The following RNF6 variants were observed in gnomAD, a reference collection of about 807,000 sequenced individuals.
The protein encoded by RNF6 is E3 ubiquitin-protein ligase RNF6.
A neutral mutation model predicts 50.1 loss-of-function variants in RNF6; 21 were observed. The ratio of observed to expected loss-of-function variants is 0.42; its 90% CI spans 0.30 to 0.60. The LOEUF is 0.60. Ranked by LOEUF, RNF6 falls within the 20% of genes least tolerant of loss-of-function variation. The pLI is 0.20. For missense variants in RNF6, 698 were observed against 838.2 expected (o/e 0.83, Z 2.07); for synonymous variants, 255 against 291.8 (o/e 0.87, Z 1.29).
intron 5 of RNF6, among the ~76,000 whole-genome samples, chr13:26,183,883 G>C (rs1873357109): frequency 1.2e-5 from 1 of 81,082 alleles, no homozygotes; most frequent in Non-Finnish European, 2.3e-5. Flanking sequence ...ATAAAATATA[G>C]GTTTTTTTAT....
intron 5 of RNF6, among the ~76,000 whole-genome samples, chr13:26,149,961 T>TATACACAGTGTATATATAA (rs1871487932): frequency 8.9e-6 from 1 of 112,238 alleles, no homozygotes; most frequent in African/African-American, 3.7e-5. Flanking sequence ...TGTATATATA[T>TATACACAGTGTATATATAA]ATACACAGTG....
chr13:26,140,736 A>G (rs1870894726), intron 5 of RNF6, among the ~76,000 whole-genome samples: 1 of 152,184 alleles, frequency 6.6e-6, no homozygotes, highest in South Asian at 2.1e-4. Context: ...AGAAAACCCT[A>G]AAGACTAACA....
chr13:26,201,884 T>C (rs1157366840), intron 5 of RNF6, among the ~76,000 whole-genome samples: 2 of 152,168 alleles, frequency 1.3e-5, no homozygotes, highest in Non-Finnish European at 2.9e-5. Flanking sequence ...GCCAGTTGAC[T>C]GATACTCAGT....
intron 5 of RNF6, among the ~76,000 whole-genome samples, chr13:26,206,991 CTT>C (rs1177679938): frequency 9.9e-5 from 15 of 151,902 alleles, no homozygotes; most frequent in African/African-American, 3.6e-4. Flanking sequence ...TATATTCTCT[CTT>C]GGTATGTGAC....
intron 5 of RNF6, among the ~76,000 whole-genome samples, chr13:26,176,103 G>A (rs144249130): frequency 2.0e-5 from 3 of 152,282 alleles, no homozygotes; most frequent in East Asian, 1.9e-4. Context: ...GGTTGTCTAA[G>A]GCGTGAGGCC....
At chr13:26,175,257 A>T (rs4770939) in intron 5 of RNF6, among the ~76,000 whole-genome samples, 97,160 of 151,828 alleles carry the variant, frequency 0.64, 31,363 homozygotes, top group Middle Eastern at 0.71. Context: ...ATTTTTGTAG[A>T]TTTAGTAGAG....
In RNF6 at chr13:26,214,823, T is replaced by G. The variant is rs780645084; in HGVS notation, c.1059A>C (p.Gln353His). 4 of 1,614,124 alleles carry G rather than the reference T, an allele frequency of 2.5e-6. No individual in the cohort carries two copies. The highest frequency in any genetic ancestry group is 3.4e-6 in the Non-Finnish European group (4 of 1,180,052). The change falls in exon 5 of 5, where the codon CAA becomes CAC. Residue 353 changes from glutamine (Q) to histidine (H), a missense_variant. Coordinates refer to ENST00000381588, the MANE Select transcript of RNF6 (RefSeq NM_005977.4). ...RRGRTRVFLE[Q>H]DRERERRGTA... ...TACCTCTGCGTTCTCGTTCTCTATC[T>G]TGCTCTAAAAAGACTCGAGTTCTAC...
At chr13:26,150,564 C>T (rs538963998) in intron 5 of RNF6, among the ~76,000 whole-genome samples, 4 of 152,196 alleles carry the variant, frequency 2.6e-5, no homozygotes, top group South Asian at 4.2e-4. Flanking sequence ...TGGATTAGAA[C>T]CCCAAAGATA....
chr13:26,177,119 G>A (rs1259185406), intron 5 of RNF6, among the ~76,000 whole-genome samples: 1 of 152,120 alleles, frequency 6.6e-6, no homozygotes, highest in Non-Finnish European at 1.5e-5. Flanking sequence ...GAGTCTCAGA[G>A]GGAGAATGAA....
intron 5 of RNF6, among the ~76,000 whole-genome samples, chr13:26,202,101 G>A (rs540483904): frequency 4.6e-5 from 7 of 152,278 alleles, no homozygotes; most frequent in Admixed American, 6.5e-5. Context: ...AGCTAACAGC[G>A]GTAAACTTGG....
chr13:26,170,643 C>A (rs1171745819), intron 5 of RNF6, among the ~76,000 whole-genome samples: 2 of 152,148 alleles, frequency 1.3e-5, no homozygotes, highest in African/African-American at 2.4e-5. Context: ...TGCTGGTAAC[C>A]AAATGTTCCC....
At chr13:26,141,288 C>T (rs563988082) in intron 5 of RNF6, among the ~76,000 whole-genome samples, 83 of 151,964 alleles carry the variant, frequency 5.5e-4, no homozygotes, top group African/African-American at 1.7e-3. Flanking sequence ...ATTAGCTGGG[C>T]GTGGTGGTGC....
At position 26,220,204 on chromosome 13, in the gene RNF6, T is replaced by C. The variant is rs375245704; in HGVS notation, c.-18-537A>G. 1.5e-4 allele frequency among the ~76,000 whole-genome samples: 23 copies of C among 152,310 alleles called. No homozygotes were observed. The East Asian group carries it at 1.7e-3, about 11-fold the overall frequency. ...TGAAAATCATTTAGCCTAATTAATA[T>C]CTACTGAACAAACTGGAAGGTGGTC... is the stretch of plus-strand genomic sequence containing the variant. On this transcript the variant is annotated intron_variant, in intron 2 of 4. Transcript: ENST00000381588.
At chr13:26,163,140 C>T (rs1872291180) in intron 5 of RNF6, among the ~76,000 whole-genome samples, 1 of 151,592 alleles carries the variant, frequency 6.6e-6, no homozygotes, top group Non-Finnish European at 1.5e-5. Context: ...GAAACCCTGT[C>T]TCTCTACTAA....
At chr13:26,207,144 C>A (rs1407920161) in intron 5 of RNF6, among the ~76,000 whole-genome samples, 1 of 151,468 alleles carries the variant, frequency 6.6e-6, no homozygotes, top group East Asian at 1.9e-4. Context: ...AGGAGTGACA[C>A]CTGAGGTGAC....
chr13:26,207,570 A>C (rs1269632696), intron 5 of RNF6, among the ~76,000 whole-genome samples: 2 of 152,208 alleles, frequency 1.3e-5, no homozygotes, highest in African/African-American at 2.4e-5. Flanking sequence ...GGAATGAGGA[A>C]GAAGTCTGGG....
At chr13:26,158,217 C>T (rs1449976302) in intron 5 of RNF6, among the ~76,000 whole-genome samples, 3 of 152,034 alleles carry the variant, frequency 2.0e-5, no homozygotes, top group African/African-American at 4.8e-5. Context: ...GACACAGTTT[C>T]GATGGTTTGA....
intron 5 of RNF6, among the ~76,000 whole-genome samples, chr13:26,161,854 C>A (rs1317107169): frequency 6.6e-6 from 1 of 152,200 alleles, no homozygotes; most frequent in African/African-American, 2.4e-5. Flanking sequence ...TCTTCTCTTT[C>A]CCTTTCTGTT....
At chr13:26,190,471 C>T (rs1163954555) in intron 5 of RNF6, among the ~76,000 whole-genome samples, 1 of 152,202 alleles carries the variant, frequency 6.6e-6, no homozygotes, top group African/African-American at 2.4e-5. Flanking sequence ...TGACTTCTGA[C>T]AGATGCTTAC....
Sources: gnomAD v4.1 joint callset for allele counts (sites outside exome capture counted in the v4.1 genomes callset) on GRCh38, gnomAD v4.1.1 for gene constraint, MANE v1.5 for transcripts, NCBI Gene and HGNC (gene_info 2026-07-23, HGNC 2026-07-21) for gene names.